The following CASR variants were observed in gnomAD, a reference collection of about 807,000 sequenced individuals.
CASR encodes extracellular calcium-sensing receptor.
CASR carries 23 observed loss-of-function variants against 69.1 expected under a neutral mutation model. The observed-to-expected ratio is 0.33, with a 90% CI of 0.24 to 0.47. The LOEUF (loss-of-function observed/expected upper bound fraction) is 0.47. Ranked by LOEUF, CASR falls within the 20% of genes least tolerant of loss-of-function variation. CASR has a pLI of 1.00. For missense variants in CASR, 924 were observed against 1,356.1 expected (o/e 0.68, Z 5.00); for synonymous variants, 541 against 544.7 (o/e 0.99, Z 0.10).
intron 1 of CASR, among the ~76,000 whole-genome samples, chr3:122,203,770 A>G (rs2073979953): frequency 6.6e-6 from 1 of 152,162 alleles, no homozygotes; most frequent in African/African-American, 2.4e-5. Context: ...TTGTACTATG[A>G]TGTTGGGATA....
At chr3:122,263,332 T>C (rs767217855) in intron 4 of CASR, among the ~76,000 whole-genome samples, 20 of 152,212 alleles carry the variant, frequency 1.3e-4, no homozygotes, top group Non-Finnish European at 2.4e-4. Flanking sequence ...AGTCACAGTG[T>C]CTCCATCTGT....
Position 122,185,775 on chromosome 3 carries a change from C to T in CASR, c.-243+1963C>T, listed in dbSNP as rs562649710. ...GGGAGAGCGGGTGCTTTATACCTGC[C>T]TCCCAGGTGTCCAATGAAGGGGCTG... is the stretch of plus-strand genomic sequence containing the variant. On this transcript the variant is annotated intron_variant, in intron 1 of 6. Transcript: ENST00000639785. Among the ~76,000 whole-genome samples, 31 of 152,242 alleles carry T rather than the reference C, an allele frequency of 2.0e-4. No homozygotes were observed. The South Asian group carries it at 6.4e-3, about 32-fold the overall frequency.
chr3:122,217,304 G>T (rs1326344880), intron 1 of CASR, among the ~76,000 whole-genome samples: 1 of 152,008 alleles, frequency 6.6e-6, no homozygotes, highest in Non-Finnish European at 1.5e-5. Flanking sequence ...GTCTTTCTTT[G>T]TTGCCCAGGC....
chr3:122,212,110 T>TA (rs2074073679), intron 1 of CASR, among the ~76,000 whole-genome samples: 1 of 152,168 alleles, frequency 6.6e-6, no homozygotes, highest in Non-Finnish European at 1.5e-5. Flanking sequence ...CATGGACACT[T>TA]ATGTTCATTG....
chr3:122,187,295 G>C (rs1357886661), intron 1 of CASR, among the ~76,000 whole-genome samples: 1 of 152,096 alleles, frequency 6.6e-6, no homozygotes, highest in Non-Finnish European at 1.5e-5. Context: ...AAAGCTGCAT[G>C]ATCCTTTTCA....
intron 1 of CASR, among the ~76,000 whole-genome samples, chr3:122,232,234 T>C (rs1390403643): frequency 6.6e-6 from 1 of 152,160 alleles, no homozygotes; most frequent in Non-Finnish European, 1.5e-5. Context: ...AAGTGTCTGC[T>C]GTGTCCTGAG....
intron 1 of CASR, among the ~76,000 whole-genome samples, chr3:122,244,051 AAG>A: frequency 6.6e-6 from 1 of 152,214 alleles, no homozygotes; most frequent in Middle Eastern, 3.4e-3. Context: ...AGTGGGGAGG[AAG>A]CAGGGGTGGT....
chr3:122,243,514 C>T (rs149346379), intron 1 of CASR, among the ~76,000 whole-genome samples: 335 of 152,096 alleles, frequency 2.2e-3, no homozygotes, highest in African/African-American at 7.3e-3. Flanking sequence ...ATCCAAAAGA[C>T]GGGCAATAAT....
intron 5 of CASR, among the ~76,000 whole-genome samples, chr3:122,280,454 T>C (rs1422834717): frequency 6.6e-6 from 1 of 152,202 alleles, no homozygotes; most frequent in Non-Finnish European, 1.5e-5. Flanking sequence ...ATTCCTAGTG[T>C]GGGTTTGGAA....
chr3:122,254,117 C>T lies in CASR; in HGVS notation c.-73C>T. The stretch of plus-strand genomic sequence containing the variant: ...TCCCCACTGCAGGGAGTGAACTGCT[C>T]CAAGGGAGAAACTTCTGGGAGCCTC... On this transcript the variant is annotated 5_prime_UTR_variant, in exon 2 of 7. Transcript: ENST00000639785. The T allele has an allele frequency of 7.0e-7, 1 of 1,437,760 alleles. No homozygotes were observed. The highest frequency in any genetic ancestry group is 9.8e-7 in the Non-Finnish European group (1 of 1,022,176). 89.1% of individuals were successfully genotyped at this position (1,437,760 alleles called of 1,614,324 possible). A position where few individuals can be genotyped will look rare whatever the true frequency, so the allele number is the denominator to read the frequency against.
At chr3:122,260,132 G>A (rs1002023426) in intron 3 of CASR, among the ~76,000 whole-genome samples, 8 of 152,230 alleles carry the variant, frequency 5.3e-5, no homozygotes, top group South Asian at 4.1e-4. Context: ...AGCTGAAGCC[G>A]GCCTCATCAA....
Position 122,285,117 on chromosome 3 carries a change from G to C in CASR, c.3163G>C (p.Val1055Leu). 6.2e-7 allele frequency: 1 copy of C among 1,614,216 alleles called. No individual in the cohort carries two copies. The highest frequency in any genetic ancestry group is 8.5e-7 in the Non-Finnish European group (1 of 1,180,034). Reference sequence around the variant, plus strand: ...CCCTGAAGAGTTGTCCCCAGCACTTGTAGTGTCCAGTTCACAGAGCTTTGT... The same window carrying C: ...CCCTGAAGAGTTGTCCCCAGCACTTCTAGTGTCCAGTTCACAGAGCTTTGT... ...EDPEELSPAL[V>L]VSSSQSFVIS... The change falls in exon 7 of 7, where the codon GTA (valine) becomes CTA (leucine). Residue 1055 changes from valine to leucine, a missense_variant. This residue lies in a region of CASR where 201 missense variants were observed against 228.8 expected (regional missense o/e 0.88). Coordinates refer to ENST00000639785, the MANE Select transcript of CASR (RefSeq NM_000388.4).
At chr3:122,215,358 C>T (rs1366262090) in intron 1 of CASR, among the ~76,000 whole-genome samples, 1 of 152,188 alleles carries the variant, frequency 6.6e-6, no homozygotes, top group Non-Finnish European at 1.5e-5. Flanking sequence ...GAGTTGAGTG[C>T]AGGAATGCAC....
chr3:122,209,296 G>A (rs2107594062), intron 1 of CASR, among the ~76,000 whole-genome samples: 1 of 152,236 alleles, frequency 6.6e-6, no homozygotes, highest in Admixed American at 6.5e-5. Flanking sequence ...TTCTACCAGA[G>A]GTACAAAGAG....
chr3:122,269,217 G>A (rs572593153), intron 4 of CASR, among the ~76,000 whole-genome samples: 147 of 152,098 alleles, frequency 9.7e-4, no homozygotes, highest in South Asian at 3.7e-3. Context: ...AATCTTACTC[G>A]GCCTGATTCA....
rs566665227 is a variant in CASR at position 122,236,409 on chromosome 3, TATTTCCTGAC to T, written c.-242-17527_-242-17518del. On this transcript the variant is annotated intron_variant, in intron 1 of 6. Transcript: ENST00000639785. The stretch of plus-strand genomic sequence containing the variant: ...AGGGGCCAGCTAATAAATCAACACA[TATTTCCTGAC>T]ATTTCCTGACAGGGAGACATGTTCC... Among the ~76,000 whole-genome samples the T allele has an allele frequency of 5.2e-3, 791 of 152,320 alleles. 11 individuals carry two copies. The highest frequency in any genetic ancestry group is 0.018 in the African/African-American group (736 of 41,572).
intron 3 of CASR, among the ~76,000 whole-genome samples, chr3:122,259,628 A>ATTTTTTTTTTTT (rs11414721): frequency 8.2e-6 from 1 of 122,238 alleles, no homozygotes; most frequent in Admixed American, 9.4e-5. Flanking sequence ...CACATTGGAA[A>ATTTTTTTTTTTT]TTTTTTTTTT....
At chr3:122,256,933 T>G in intron 2 of CASR, 148 bp from the exon 3 acceptor site, 1 of 728,394 alleles carries the variant, frequency 1.4e-6, no homozygotes, top group African/African-American at 1.8e-5. Flanking sequence ...GTCATCCCCA[T>G]TTTAACAGAG....
chr3:122,252,242 T>G (rs1010674296), intron 1 of CASR, among the ~76,000 whole-genome samples: 3 of 149,862 alleles, frequency 2.0e-5, no homozygotes, highest in African/African-American at 7.4e-5. Context: ...GAGGTTGTAG[T>G]GAGCTGTGAT....
Sources: gnomAD v4.1 joint callset for allele counts (sites outside exome capture counted in the v4.1 genomes callset) on GRCh38, gnomAD v4.1.1 for gene constraint, gnomAD v4.1.1 regional missense constraint, MANE v1.5 for transcripts, NCBI Gene and HGNC (gene_info 2026-07-23, HGNC 2026-07-21) for gene names.